The following GRIA3 variants were observed in gnomAD, a reference collection of about 807,000 sequenced individuals.
GRIA3 encodes glutamate ionotropic receptor AMPA type subunit 3, also known as glutamate receptor 3.
In GRIA3, 3 loss-of-function variants were observed where a neutral mutation model predicts 63.0. The ratio of observed to expected loss-of-function variants is 0.05; its 90% confidence interval spans 0.02 to 0.12. The LOEUF is 0.12. GRIA3 is among the 10% of genes least tolerant of loss of function. GRIA3 has a pLI of 1.00. For missense variants in GRIA3, 347 were observed against 700.9 expected (o/e 0.50, Z 5.70); for synonymous variants, 274 against 257.9 (o/e 1.06, Z -0.60).
chrX:123,430,514 C>G (rs997584289), intron 12 of GRIA3, among the ~76,000 whole-genome samples: 1 of 111,244 alleles, frequency 9.0e-6, no homozygotes. Context: ...CTTTGATATT[C>G]GTGCAATACA....
chrX:123,339,360 CT>C (rs1167939365), intron 4 of GRIA3, among the ~76,000 whole-genome samples: 1 of 111,994 alleles, frequency 8.9e-6, no homozygotes, highest in Non-Finnish European at 1.9e-5. Context: ...CAATTTCAAG[CT>C]CTCCATAAAA....
At chrX:123,383,111 T>C (rs2045333865) in intron 5 of GRIA3, among the ~76,000 whole-genome samples, 1 of 112,180 alleles carries the variant, frequency 8.9e-6, no homozygotes, top group African/African-American at 3.2e-5. Flanking sequence ...CCAAATGTGG[T>C]TAGGCATGGT....
rs1176900965 is a variant in GRIA3, at chrX:123,353,524, T to C, written c.697-1386T>C. Among the ~76,000 whole-genome samples, 3 of 111,819 alleles carry C rather than the reference T, an allele frequency of 2.7e-5. No homozygotes were observed. In the Admixed American group the frequency reaches 2.9e-4, roughly 11 times the overall value. ...TACTAGGCACTCAAATAAGGACAGT[T>C]AGACTTATTATTATTACAATCTTTC... On this transcript the variant is annotated intron_variant, in intron 4 of 15. Coordinates refer to ENST00000620443, the MANE Select transcript of GRIA3 (RefSeq NM_007325.5).
chrX:123,391,816 G>A (rs2045388250), intron 5 of GRIA3, among the ~76,000 whole-genome samples: 1 of 112,463 alleles, frequency 8.9e-6, no homozygotes, highest in South Asian at 3.7e-4. Context: ...AGCCATTCTT[G>A]AGGCCTGTAG....
At chrX:123,314,693 G>T (rs925874110) in intron 3 of GRIA3, among the ~76,000 whole-genome samples, 1 of 111,803 alleles carries the variant, frequency 8.9e-6, no homozygotes, top group Non-Finnish European at 1.9e-5. Flanking sequence ...CACCAACAGG[G>T]AGACAAAGTT....
intron 4 of GRIA3, among the ~76,000 whole-genome samples, chrX:123,327,335 G>A (rs1198367710): frequency 2.7e-5 from 3 of 111,555 alleles, no homozygotes; most frequent in Non-Finnish European, 5.7e-5. Context: ...GCTGAAATGT[G>A]AAGAAAGTTT....
At chrX:123,361,866 A>G (rs1157824806) in intron 5 of GRIA3, among the ~76,000 whole-genome samples, 2 of 112,092 alleles carry the variant, frequency 1.8e-5, no homozygotes, top group Non-Finnish European at 1.9e-5. Flanking sequence ...TTTCCCCCCA[A>G]GATCTTCATG....
At chrX:123,340,116 T>C (rs2044999670) in intron 4 of GRIA3, among the ~76,000 whole-genome samples, 1 of 112,127 alleles carries the variant, frequency 8.9e-6, no homozygotes, top group South Asian at 3.8e-4. Context: ...TGCCATTACA[T>C]GGACCAAATA....
intron 4 of GRIA3, among the ~76,000 whole-genome samples, chrX:123,332,359 A>T (rs903504375): frequency 8.0e-5 from 9 of 111,869 alleles, no homozygotes; most frequent in Admixed American, 5.7e-4. Context: ...TATGTTTCAG[A>T]TATTATTTTA....
At chrX:123,358,983 A>T (rs1388659105) in intron 5 of GRIA3, among the ~76,000 whole-genome samples, 2 of 111,717 alleles carry the variant, frequency 1.8e-5, no homozygotes, top group East Asian at 2.8e-4. Flanking sequence ...GAAGAAAAAA[A>T]AGCACGAGGC....
rs1603140010 is a variant in GRIA3, at chrX:123,410,143, A to G, written c.1500+5229A>G. ...AATCCACATTTCTAGTTATCACTCG[A>G]AATATTTGAAAACCCAATATAGACA... On this transcript the variant is annotated intron_variant, in intron 10 of 15. Coordinates refer to ENST00000620443, the MANE Select transcript of GRIA3 (RefSeq NM_007325.5). Among the ~76,000 whole-genome samples the G allele has an allele frequency of 2.7e-5, 3 of 111,594 alleles. No individual in the cohort carries two copies. In the South Asian group the frequency reaches 1.1e-3, roughly 42 times the overall value.
At chrX:123,212,996 G>A (rs1300882776) in intron 2 of GRIA3, among the ~76,000 whole-genome samples, 2 of 111,625 alleles carry the variant, frequency 1.8e-5, no homozygotes, top group African/African-American at 6.5e-5. Context: ...TACTGCCTGA[G>A]CTCTGCCTCC....
At chrX:123,349,728 G>A (rs1248588316) in intron 4 of GRIA3, among the ~76,000 whole-genome samples, 1 of 112,423 alleles carries the variant, frequency 8.9e-6, no homozygotes, top group Non-Finnish European at 1.9e-5. Flanking sequence ...TCAGATGACT[G>A]CAATATGAAG....
chrX:123,279,078 TTG>T (rs746777875), intron 3 of GRIA3, among the ~76,000 whole-genome samples: 1 of 112,008 alleles, frequency 8.9e-6, no homozygotes, highest in African/African-American at 3.2e-5. Flanking sequence ...TCCTATTTAT[TTG>T]TGTCTTCTTC....
chrX:123,384,079 G>A (rs1478475900), intron 5 of GRIA3, among the ~76,000 whole-genome samples: 1 of 112,010 alleles, frequency 8.9e-6, no homozygotes, highest in Non-Finnish European at 1.9e-5. Flanking sequence ...TGTATATGTA[G>A]CACATTTTTT....
At chrX:123,454,007 A>G (rs1333894476) in intron 12 of GRIA3, among the ~76,000 whole-genome samples, 1 of 111,806 alleles carries the variant, frequency 8.9e-6, no homozygotes, top group Non-Finnish European at 1.9e-5. Context: ...TAATTTGTCA[A>G]CTTCTGGTTT....
At chrX:123,396,208 T>TAATAATAAG (rs1289491977) in intron 6 of GRIA3, among the ~76,000 whole-genome samples, 1 of 101,059 alleles carries the variant, frequency 9.9e-6, no homozygotes, top group Non-Finnish European at 2.0e-5. Flanking sequence ...AAAATAATAA[T>TAATAATAAG]AATAATAATA....
At chrX:123,345,744 A>G (rs2045044810) in intron 4 of GRIA3, among the ~76,000 whole-genome samples, 1 of 110,585 alleles carries the variant, frequency 9.0e-6, no homozygotes, top group African/African-American at 3.3e-5. Context: ...ACTCCTCTGC[A>G]CCTGAGTAAT....
At chrX:123,460,209 T>C (rs750138151) in intron 12 of GRIA3, among the ~76,000 whole-genome samples, 138 of 112,245 alleles carry the variant, frequency 1.2e-3, no homozygotes, top group Non-Finnish European at 2.0e-3. Flanking sequence ...GTCCAAATTA[T>C]AGTGCACTTG....
Sources: allele counts gnomAD v4.1 joint callset (sites outside exome capture counted in the v4.1 genomes callset), GRCh38; gene constraint gnomAD v4.1.1; transcripts MANE v1.5; gene names NCBI Gene and HGNC (gene_info 2026-07-23, HGNC 2026-07-21).